Variants in BAIAP2L1 observed in about 807,000 individuals in gnomAD.
The protein encoded by BAIAP2L1 is BAR/IMD domain containing adaptor protein 2 like 1, also known as BAR/IMD domain-containing adapter protein 2-like 1.
A neutral mutation model predicts 66.3 loss-of-function variants in BAIAP2L1; 35 were observed. The ratio of observed to expected loss-of-function variants is 0.53; its 90% CI spans 0.40 to 0.70. The LOEUF (loss-of-function observed/expected upper bound fraction) is 0.70, where lower values mean the gene tolerates loss of function less well. BAIAP2L1 is among the 30% of genes least tolerant of loss of function. The pLI is 0.00. For missense variants in BAIAP2L1, 622 were observed against 656.9 expected (o/e 0.95, Z 0.58); for synonymous variants, 269 against 248.7 (o/e 1.08, Z -0.77).
In BAIAP2L1 at chr7:98,312,268, C is replaced by A; in HGVS notation, c.640-4G>T. 6.3e-7 allele frequency: 1 copy of A among 1,599,000 alleles called. No individual in the cohort carries two copies. The highest frequency in any genetic ancestry group is 8.5e-7 in the Non-Finnish European group (1 of 1,175,040). On this transcript the variant is annotated splice_region_variant and splice_polypyrimidine_tract_variant and intron_variant, in intron 7 of 13. Coordinates refer to ENST00000005260, the MANE Select transcript of BAIAP2L1 (RefSeq NM_018842.5). ...TGGAATTCAGTAGTTCTGCAGACTG[C>A]AAAGCCAAAAGAAGAAGACTAAAGA...
chr7:98,388,152 G>A (rs1802942001), intron 1 of BAIAP2L1, among the ~76,000 whole-genome samples: 1 of 152,180 alleles, frequency 6.6e-6, no homozygotes, highest in African/African-American at 2.4e-5. Flanking sequence ...TGCGCCAGAT[G>A]CTATTCTAAG....
At position 98,326,976 on chromosome 7, in the gene BAIAP2L1, A is replaced by C. The variant is rs372574360; in HGVS notation, c.215-6678T>G. On this transcript the variant is annotated intron_variant, in intron 3 of 13. Transcript: ENST00000005260. ...AGGAAGATGAACACTGTGTGCTGAAATTTTATACTCAGCGGACATAAAATG... is the reference window on the plus strand; with the variant it reads ...AGGAAGATGAACACTGTGTGCTGAACTTTTATACTCAGCGGACATAAAATG... Among the ~76,000 whole-genome samples, 185 of 152,326 alleles carry C rather than the reference A, an allele frequency of 1.2e-3. 1 individual carries two copies. The highest frequency in any genetic ancestry group is 4.1e-3 in the African/African-American group (172 of 41,576).
intron 3 of BAIAP2L1, among the ~76,000 whole-genome samples, chr7:98,338,503 T>C (rs577337893): frequency 1.3e-5 from 2 of 152,088 alleles, no homozygotes; most frequent in South Asian, 4.2e-4. Context: ...AAATCTGCCT[T>C]CTCCCTTGAA....
At chr7:98,368,458 C>T (rs913958501) in intron 1 of BAIAP2L1, among the ~76,000 whole-genome samples, 17 of 151,376 alleles carry the variant, frequency 1.1e-4, no homozygotes, top group South Asian at 1.0e-3. Flanking sequence ...CATGGGAGGC[C>T]GAGGCGGGTG....
chr7:98,385,659 C>T (rs1476281670), intron 1 of BAIAP2L1: 1 of 707,494 alleles, frequency 1.4e-6, no homozygotes, highest in Admixed American at 2.9e-5. Context: ...AGCAAGCTGC[C>T]TGCTTCAGCC....
chr7:98,397,556 C>T (rs1803244677), intron 1 of BAIAP2L1, among the ~76,000 whole-genome samples: 1 of 152,004 alleles, frequency 6.6e-6, no homozygotes, highest in Non-Finnish European at 1.5e-5. Context: ...ATCTCCTGAC[C>T]TCATGATCTG....
intron 3 of BAIAP2L1, among the ~76,000 whole-genome samples, chr7:98,353,400 C>T (rs982973733): frequency 7.6e-6 from 1 of 131,266 alleles, no homozygotes; most frequent in Non-Finnish European, 1.6e-5. Flanking sequence ...TATAAATATA[C>T]ATAATATATA....
chr7:98,396,432 A>C (rs1218992329), intron 1 of BAIAP2L1, among the ~76,000 whole-genome samples: 4 of 152,132 alleles, frequency 2.6e-5, no homozygotes, highest in Admixed American at 1.3e-4. Context: ...AATGACAGAA[A>C]ATTCCAGTGA....
chr7:98,341,433 A>C (rs1465766164), intron 3 of BAIAP2L1, among the ~76,000 whole-genome samples: 1 of 152,162 alleles, frequency 6.6e-6, no homozygotes, highest in Non-Finnish European at 1.5e-5. Context: ...CTGTAATCTT[A>C]GCACTCTGGG....
intron 3 of BAIAP2L1, among the ~76,000 whole-genome samples, chr7:98,340,738 C>T (rs892227451): frequency 3.3e-5 from 5 of 150,724 alleles, no homozygotes; most frequent in Non-Finnish European, 7.4e-5. Context: ...TGTACACATA[C>T]TTACACCAAT....
intron 3 of BAIAP2L1, among the ~76,000 whole-genome samples, chr7:98,353,993 ATAAAAT>A: frequency 6.7e-6 from 1 of 148,868 alleles, no homozygotes; most frequent in East Asian, 2.0e-4. Flanking sequence ...ATAAAATAAA[ATAAAAT>A]AAAATAAAAA....
chr7:98,324,545 G>A (rs1241229570), intron 3 of BAIAP2L1, among the ~76,000 whole-genome samples: 2 of 152,202 alleles, frequency 1.3e-5, no homozygotes, highest in African/African-American at 4.8e-5. Context: ...TGGTATGAAT[G>A]CCTAGAACAT....
In BAIAP2L1 at chr7:98,358,353, G is replaced by GT. The variant is rs750663949; in HGVS notation, c.128-3226dup. 5.2e-4 allele frequency among the ~76,000 whole-genome samples: 78 copies of GT among 150,360 alleles called. 1 individual carries two copies. Among genetic ancestry groups the GT allele is most frequent in the African/African-American group, 1.9e-3 (78 of 40,590 alleles). On this transcript the variant is annotated intron_variant, in intron 2 of 13. Transcript: ENST00000005260. ...TTGTTTTAAGGAAAGAAGCATATTA[G>GT]TTTTTTGTTTTTTTTTTTTTAAGAG...
rs779327448 is a variant in BAIAP2L1 at position 98,393,074 on chromosome 7, TACACACAC to T, written c.51+7720_51+7727del. ...GTACATATATGTACACATATATGTA[TACACACAC>T]ATATATACATATATACGTGTACATA... On this transcript the variant is annotated intron_variant, in intron 1 of 13. Transcript: ENST00000005260. Among the ~76,000 whole-genome samples, 16 of 132,040 alleles carry T rather than the reference TACACACAC, an allele frequency of 1.2e-4. 1 individual carries two copies. The highest frequency in any genetic ancestry group is 2.2e-4 in the Admixed American group (3 of 13,522). The allele number at this position is 132,040 out of a possible 152,430, so 86.6% of individuals were successfully genotyped here. A position where few individuals can be genotyped will look rare whatever the true frequency, so the allele number is the denominator to read the frequency against.
At chr7:98,304,911 G>C (rs1800582792) in intron 11 of BAIAP2L1, among the ~76,000 whole-genome samples, 1 of 150,768 alleles carries the variant, frequency 6.6e-6, no homozygotes, top group African/African-American at 2.4e-5. Context: ...TATTGTCCAG[G>C]GTGGAGTGCA....
intron 12 of BAIAP2L1, among the ~76,000 whole-genome samples, chr7:98,297,057 C>T (rs913417312): frequency 7.2e-5 from 11 of 152,212 alleles, no homozygotes; most frequent in African/African-American, 2.7e-4. Context: ...GTCCTGTGTC[C>T]CCAACAAGAC....
intron 1 of BAIAP2L1, among the ~76,000 whole-genome samples, chr7:98,377,398 C>A (rs544926922): frequency 9.9e-5 from 15 of 152,196 alleles, no homozygotes; most frequent in Non-Finnish European, 1.8e-4. Flanking sequence ...TTGAAGACAG[C>A]AACTGTAGCC....
At chr7:98,322,207 T>C (rs898677176) in intron 3 of BAIAP2L1, among the ~76,000 whole-genome samples, 5 of 152,134 alleles carry the variant, frequency 3.3e-5, no homozygotes, top group Non-Finnish European at 7.3e-5. Context: ...GACTGGACTA[T>C]GGCCTCGGCT....
chr7:98,358,897 C>T (rs1007225852), intron 2 of BAIAP2L1, among the ~76,000 whole-genome samples: 1 of 152,162 alleles, frequency 6.6e-6, no homozygotes, highest in African/African-American at 2.4e-5. Context: ...GGTCCCCTAC[C>T]AGGTGGTGTG....
Sources: gnomAD v4.1 joint callset for allele counts (sites outside exome capture counted in the v4.1 genomes callset) on GRCh38, gnomAD v4.1.1 for gene constraint, MANE v1.5 for transcripts, NCBI Gene and HGNC (gene_info 2026-07-23, HGNC 2026-07-21) for gene names.